The following GPHN variants were observed in gnomAD, a reference collection of about 807,000 sequenced individuals.
GPHN encodes gephyrin.
Under a neutral mutation model 95.5 loss-of-function variants are expected in GPHN, and 17 were observed. That is an observed-to-expected ratio of 0.18 (90% CI 0.12 to 0.27). GPHN has a LOEUF of 0.27. GPHN is among the 10% of genes least tolerant of loss of function. GPHN has a pLI of 1.00. For synonymous variants in GPHN, 320 were observed against 322.5 expected (o/e 0.99, Z 0.08); for missense variants, 660 against 978.1 (o/e 0.67, Z 4.34).
chr14:67,714,036 T>C, the GPHN span, among the ~76,000 whole-genome samples: 672 of 152,336 alleles, frequency 4.4e-3, 35 homozygotes, highest in East Asian at 0.1. Flanking sequence ...ATTTTCCCTT[T>C]AGCTTAGTGA....
chr14:66,770,051 G>A (rs943821150), intron 2 of GPHN, among the ~76,000 whole-genome samples: 20 of 152,096 alleles, frequency 1.3e-4, no homozygotes, highest in African/African-American at 4.6e-4. Flanking sequence ...ATCTCATTAT[G>A]GTTTTGATTT....
chr14:67,599,411 T>G, the GPHN span, among the ~76,000 whole-genome samples: 1 of 152,194 alleles, frequency 6.6e-6, no homozygotes, highest in Non-Finnish European at 1.5e-5. Flanking sequence ...ATCTGGAAAT[T>G]GAGCACAGCT....
At chr14:66,596,095 C>T (rs998040398) in intron 1 of GPHN, among the ~76,000 whole-genome samples, 1 of 152,028 alleles carries the variant, frequency 6.6e-6, no homozygotes, top group Non-Finnish European at 1.5e-5. Flanking sequence ...GTTGTCCCAT[C>T]ATCTGCTCAG....
the GPHN span, among the ~76,000 whole-genome samples, chr14:67,391,923 C>A: frequency 1.3e-5 from 2 of 152,248 alleles, no homozygotes; most frequent in East Asian, 1.9e-4. Flanking sequence ...ATCAAGGAGG[C>A]GTGCAGAATC....
intron 6 of GPHN, among the ~76,000 whole-genome samples, chr14:66,920,450 ATCTTTCCTG>A (rs891056626): frequency 3.3e-5 from 5 of 151,596 alleles, no homozygotes; most frequent in Non-Finnish European, 7.4e-5. Flanking sequence ...CTTCTTTCCT[ATCTTTCCTG>A]TCTTTCTCAT....
At chr14:67,395,590 G>C in the GPHN span, 4 of 1,613,712 alleles carry the variant, frequency 2.5e-6, no homozygotes, top group South Asian at 4.4e-5. Context: ...GGAGCTGTGG[G>C]AAGAGAGAGC....
intron 1 of GPHN, among the ~76,000 whole-genome samples, chr14:66,556,686 A>G (rs2060018531): frequency 2.0e-5 from 3 of 152,224 alleles, no homozygotes; most frequent in South Asian, 4.1e-4. Context: ...GCCTGCATTT[A>G]AGAACTAGTT....
At chr14:67,206,273 C>A in the GPHN span, among the ~76,000 whole-genome samples, 2 of 152,082 alleles carry the variant, frequency 1.3e-5, no homozygotes, top group Non-Finnish European at 2.9e-5. Flanking sequence ...CCGAGGCGGG[C>A]AGATCACCTG....
At chr14:67,323,420 G>T in the GPHN span, among the ~76,000 whole-genome samples, 1 of 151,534 alleles carries the variant, frequency 6.6e-6, no homozygotes, top group Non-Finnish European at 1.5e-5. Flanking sequence ...TTCAAGACCA[G>T]CCTGGACAAC....
At chr14:67,079,057 G>C (rs946807333) in intron 11 of GPHN, among the ~76,000 whole-genome samples, 10 of 151,886 alleles carry the variant, frequency 6.6e-5, no homozygotes, top group Non-Finnish European at 1.2e-4. Flanking sequence ...AAAGCTGGTT[G>C]GTTATATATA....
chr14:66,698,801 T>C (rs942458895), intron 2 of GPHN, among the ~76,000 whole-genome samples: 1 of 152,196 alleles, frequency 6.6e-6, no homozygotes, highest in Non-Finnish European at 1.5e-5. Flanking sequence ...TCCATTCGGC[T>C]CTGGGGAACC....
chr14:67,598,200 GAAA>G, the GPHN span, among the ~76,000 whole-genome samples: 1 of 152,166 alleles, frequency 6.6e-6, no homozygotes. Context: ...GGAAAGGTAA[GAAA>G]TTTTGGCACA....
At chr14:66,853,896 T>C (rs1183203102) in intron 4 of GPHN, among the ~76,000 whole-genome samples, 2 of 152,224 alleles carry the variant, frequency 1.3e-5, no homozygotes, top group Non-Finnish European at 2.9e-5. Context: ...ATTAAAAGCA[T>C]GGCAATTAGC....
chr14:67,062,663 CTT>C (rs1283623688), intron 11 of GPHN, among the ~76,000 whole-genome samples: 1 of 152,028 alleles, frequency 6.6e-6, no homozygotes, highest in Admixed American at 6.6e-5. Flanking sequence ...AAGAGGGTAA[CTT>C]GAGATCAAAT....
chr14:66,838,005 T>C (rs557199951), intron 4 of GPHN, among the ~76,000 whole-genome samples: 213 of 152,236 alleles, frequency 1.4e-3, no homozygotes, highest in Non-Finnish European at 2.1e-3. Flanking sequence ...ATATAACCTT[T>C]TATGGAGTAG....
At chr14:67,398,272 T>A in the GPHN span, among the ~76,000 whole-genome samples, 6 of 152,208 alleles carry the variant, frequency 3.9e-5, no homozygotes, top group Admixed American at 1.3e-4. Context: ...AGAGACAGGC[T>A]GGAGTACAGT....
At chr14:67,663,409 C>A in the GPHN span, among the ~76,000 whole-genome samples, 1 of 152,104 alleles carries the variant, frequency 6.6e-6, no homozygotes, top group Non-Finnish European at 1.5e-5. Flanking sequence ...CACGGTGACT[C>A]ACGCCTGTAA....
chr14:67,233,770 G>A, the GPHN span, among the ~76,000 whole-genome samples: 1 of 152,160 alleles, frequency 6.6e-6, no homozygotes, highest in African/African-American at 2.4e-5. Flanking sequence ...ATTTCCTGAT[G>A]GGTTGAACGT....
chr14:67,735,238 G>C, the GPHN span: 8 of 1,397,172 alleles, frequency 5.7e-6, no homozygotes, highest in Non-Finnish European at 8.1e-6. Flanking sequence ...GTGCTCCCAC[G>C]AGACACAGCC....
Sources: allele counts gnomAD v4.1 joint callset (sites outside exome capture counted in the v4.1 genomes callset), GRCh38; gene constraint gnomAD v4.1.1; transcripts MANE v1.5; gene names NCBI Gene and HGNC (gene_info 2026-07-23, HGNC 2026-07-21).